TRAPPC9: variants seen among roughly 807,000 people sequenced by gnomAD.
TRAPPC9 encodes the protein IKK2 binding protein.
TRAPPC9 carries 83 observed loss-of-function variants against 124.0 expected under a neutral mutation model. The ratio of observed to expected loss-of-function variants is 0.67; its 90% CI spans 0.56 to 0.80. The LOEUF (loss-of-function observed/expected upper bound fraction) is 0.80, where lower values mean the gene tolerates loss of function less well. TRAPPC9 is among the 30% of genes least tolerant of loss of function. The pLI is 0.00. For synonymous variants in TRAPPC9, 638 were observed against 617.5 expected (o/e 1.03, Z -0.49); for missense variants, 1,302 against 1,508.3 (o/e 0.86, Z 2.27).
chr8:139,945,723 G>A (rs376815539), intron 19 of TRAPPC9, among the ~76,000 whole-genome samples: 79 of 152,228 alleles, frequency 5.2e-4, no homozygotes, highest in African/African-American at 1.7e-3. Context: ...AGCTCATGTG[G>A]GTCATGAGAC....
intron 7 of TRAPPC9, among the ~76,000 whole-genome samples, chr8:140,386,486 A>G (rs1483319222): frequency 1.3e-5 from 2 of 152,354 alleles, no homozygotes; most frequent in Non-Finnish European, 2.9e-5. Context: ...TAGAAAATCA[A>G]TGTGCAAAAA....
rs143786455 is a variant in TRAPPC9, at chr8:139,992,930, A to G, written c.2700-4094T>C. On this transcript the variant is annotated intron_variant, in intron 18 of 22. Transcript: ENST00000438773. Reference sequence around the variant, plus strand: ...AAACAGAATGAATAGCTAAATATAGAAAAACAATATTTAAAAATCTTTAGA... The same window carrying G: ...AAACAGAATGAATAGCTAAATATAGGAAAACAATATTTAAAAATCTTTAGA... 1.6e-3 allele frequency among the ~76,000 whole-genome samples: 248 copies of G among 152,300 alleles called. 1 individual carries two copies. The highest frequency in any genetic ancestry group is 0.013 in the Admixed American group (206 of 15,300).
chr8:140,186,769 G>A (rs1369271557), intron 17 of TRAPPC9, among the ~76,000 whole-genome samples: 3 of 152,274 alleles, frequency 2.0e-5, no homozygotes, highest in African/African-American at 4.8e-5. Context: ...CAGTGTGAGT[G>A]GGAATGTACA....
intron 17 of TRAPPC9, among the ~76,000 whole-genome samples, chr8:140,031,836 G>C (rs1840514404): frequency 6.6e-6 from 1 of 152,230 alleles, no homozygotes; most frequent in Admixed American, 6.5e-5. Flanking sequence ...AAGAGGCCCA[G>C]GAGTCCCGTG....
intron 9 of TRAPPC9, among the ~76,000 whole-genome samples, chr8:140,314,501 T>C (rs1263863688): frequency 6.6e-6 from 1 of 152,204 alleles, no homozygotes; most frequent in African/African-American, 2.4e-5. Context: ...ATATACCTTT[T>C]TGTGAACTAT....
At chr8:139,979,861 G>C (rs7837321) in intron 19 of TRAPPC9, among the ~76,000 whole-genome samples, 97,503 of 151,574 alleles carry the variant, frequency 0.64, 31,528 homozygotes, top group African/African-American at 0.72. Flanking sequence ...AGCCGTGGCC[G>C]ATGGGCAAGT....
chr8:140,103,268 G>A (rs902439818), intron 17 of TRAPPC9, among the ~76,000 whole-genome samples: 1 of 152,112 alleles, frequency 6.6e-6, no homozygotes, highest in Admixed American at 6.5e-5. Context: ...GCATTATCGG[G>A]GCAAATATTT....
intron 21 of TRAPPC9, among the ~76,000 whole-genome samples, chr8:139,753,055 TCCAC>T (rs768267475): frequency 2.3e-5 from 3 of 129,688 alleles, no homozygotes; most frequent in Non-Finnish European, 4.7e-5. Flanking sequence ...TACCCATCCA[TCCAC>T]CCACCCACCC....
rs2063849028 is a variant in TRAPPC9, at chr8:140,241,245, A to G, written c.2431+11532T>C. Among the ~76,000 whole-genome samples the G allele has an allele frequency of 6.6e-6, 1 of 152,148 alleles. No homozygotes were observed. Among genetic ancestry groups the G allele is most frequent in the Non-Finnish European group, 1.5e-5 (1 of 68,018 alleles). On this transcript the variant is annotated intron_variant, in intron 16 of 22. Coordinates refer to ENST00000438773, the MANE Select transcript of TRAPPC9 (RefSeq NM_001160372.4). The surrounding 1 kb of genome is among the most constrained non-coding windows in gnomAD (Gnocchi z 5.0). The stretch of plus-strand genomic sequence containing the variant: ...GAAACCCTGTCTCTACTAAAAATAC[A>G]AAAATTAGTTGGGCATGGTGGTGTG...
At chr8:140,078,474 G>A (rs1037912702) in intron 17 of TRAPPC9, among the ~76,000 whole-genome samples, 1 of 152,208 alleles carries the variant, frequency 6.6e-6, no homozygotes, top group Non-Finnish European at 1.5e-5. Context: ...GCTGAACACG[G>A]GGGAGGGCTT....
In TRAPPC9 at chr8:139,873,234, C is replaced by T. The variant is rs771109599; in HGVS notation, c.3055+12645G>A. Among the ~76,000 whole-genome samples, 13 of 152,232 alleles carry T rather than the reference C, an allele frequency of 8.5e-5. No individual in the cohort carries two copies. The East Asian group carries it at 9.6e-4, about 11-fold the overall frequency. ...ACGTTACTGCTGATTTGTCTGGGAA[C>T]GCTGGGTCAGTCCATCAGCATCTCC... On this transcript the variant is annotated intron_variant, in intron 21 of 22. Transcript: ENST00000438773.
intron 8 of TRAPPC9, among the ~76,000 whole-genome samples, chr8:140,363,385 T>C (rs1588218836): frequency 6.6e-6 from 1 of 152,340 alleles, no homozygotes; most frequent in Middle Eastern, 3.4e-3. Flanking sequence ...TTGCCTTTTA[T>C]TTACAGGTAC....
intron 21 of TRAPPC9, among the ~76,000 whole-genome samples, chr8:139,823,864 T>G (rs933922621): frequency 6.6e-6 from 1 of 152,170 alleles, no homozygotes; most frequent in Non-Finnish European, 1.5e-5. Flanking sequence ...ATGATGGTGT[T>G]CAAGCCCACA....
At chr8:140,218,154 A>C (rs1045104927) in intron 17 of TRAPPC9, among the ~76,000 whole-genome samples, 3 of 152,136 alleles carry the variant, frequency 2.0e-5, no homozygotes, top group African/African-American at 7.2e-5. Flanking sequence ...CCACCACGAC[A>C]CTCGAACCTC....
chr8:139,805,375 G>A (rs1234039823), intron 21 of TRAPPC9, among the ~76,000 whole-genome samples: 4 of 152,322 alleles, frequency 2.6e-5, no homozygotes, highest in Admixed American at 1.3e-4. Context: ...CACCAGGGTC[G>A]GAAGTGGGAA....
At chr8:140,179,777 T>C (rs746239998) in intron 17 of TRAPPC9, among the ~76,000 whole-genome samples, 1 of 152,064 alleles carries the variant, frequency 6.6e-6, no homozygotes, top group Non-Finnish European at 1.5e-5. Context: ...TTTTGAAATG[T>C]CACATGTTCT....
chr8:139,930,936 C>T (rs1434744463), intron 19 of TRAPPC9, among the ~76,000 whole-genome samples: 1 of 152,076 alleles, frequency 6.6e-6, no homozygotes, highest in Non-Finnish European at 1.5e-5. Context: ...GGTGGTGCCC[C>T]CTTTCATAGG....
chr8:140,085,038 C>T (rs2130070449), intron 17 of TRAPPC9, among the ~76,000 whole-genome samples: 1 of 152,306 alleles, frequency 6.6e-6, no homozygotes, highest in East Asian at 1.9e-4. Flanking sequence ...TGATCTATAG[C>T]CAATCCAGGT....
At chr8:139,906,368 G>C (rs1214294047) in intron 20 of TRAPPC9, among the ~76,000 whole-genome samples, 1 of 152,108 alleles carries the variant, frequency 6.6e-6, no homozygotes, top group Non-Finnish European at 1.5e-5. Flanking sequence ...TCTCAGAATG[G>C]GAGAAGGGGC....
Sources: allele counts gnomAD v4.1 joint callset (sites outside exome capture counted in the v4.1 genomes callset), GRCh38; gene constraint gnomAD v4.1.1; non-coding constraint Gnocchi (gnomAD v3.1); transcripts MANE v1.5; gene names NCBI Gene and HGNC (gene_info 2026-07-23, HGNC 2026-07-21).